FOXN3: variants seen among roughly 807,000 people sequenced by gnomAD.
The protein encoded by FOXN3 is forkhead box N3, also known as forkhead box protein N3.
FOXN3 carries 7 observed loss-of-function variants against 38.4 expected under a neutral mutation model. The ratio of observed to expected loss-of-function variants is 0.18; its 90% CI spans 0.10 to 0.34. FOXN3 has a LOEUF of 0.34. Ranked by LOEUF, FOXN3 falls within the 10% of genes least tolerant of loss-of-function variation. The pLI, the probability that FOXN3 is intolerant of heterozygous loss-of-function variation, is 1.00. For synonymous variants in FOXN3, 230 were observed against 242.2 expected, an observed-to-expected ratio of 0.95 and a Z score of 0.47; for missense variants, 456 against 613.4, an observed-to-expected ratio of 0.74 and a Z score of 2.71.
At chr14:89,305,105 G>C (rs1002463672) in intron 3 of FOXN3, among the ~76,000 whole-genome samples, 2 of 152,142 alleles carry the variant, frequency 1.3e-5, no homozygotes, top group East Asian at 1.9e-4. Context: ...GGCTGATCTG[G>C]AGGGGACGAG....
intron 2 of FOXN3, among the ~76,000 whole-genome samples, chr14:89,379,074 G>A (rs1220118424): frequency 1.3e-5 from 2 of 152,190 alleles, no homozygotes. Flanking sequence ...TGGAATATGA[G>A]TTCTAGAAAG....
intron 4 of FOXN3, among the ~76,000 whole-genome samples, chr14:89,253,099 C>G (rs770282836): frequency 6.6e-6 from 1 of 152,308 alleles, no homozygotes; most frequent in Non-Finnish European, 1.5e-5. Context: ...GGTCAGCCTG[C>G]AGCCACCACA....
chr14:89,489,998 CG>C (rs1881393878), intron 1 of FOXN3, among the ~76,000 whole-genome samples: 1 of 152,220 alleles, frequency 6.6e-6, no homozygotes, highest in South Asian at 2.1e-4. Flanking sequence ...AGGAGTAAAA[CG>C]TAATGCCAAA....
At chr14:89,575,314 C>T (rs1895586260) in intron 1 of FOXN3, among the ~76,000 whole-genome samples, 1 of 152,146 alleles carries the variant, frequency 6.6e-6, no homozygotes, top group African/African-American at 2.4e-5. Context: ...TGACCAAGCA[C>T]TTGACCCTTG....
chr14:89,309,994 C>T lies in FOXN3; in HGVS notation c.681-28980G>A, dbSNP rs966113267. ...TTCTCTGTGTGAAAATAGAACGTCGCTAAGTGCCATCCTACCCATGCGGGG... is the reference window on the plus strand; with the variant it reads ...TTCTCTGTGTGAAAATAGAACGTCGTTAAGTGCCATCCTACCCATGCGGGG... On this transcript the variant is annotated intron_variant, in intron 3 of 5. Coordinates refer to ENST00000557258, the MANE Select transcript of FOXN3 (RefSeq NM_005197.4). 7.9e-5 allele frequency among the ~76,000 whole-genome samples: 12 copies of T among 152,304 alleles called. No individual in the cohort carries two copies. In the South Asian group the frequency reaches 1.5e-3, roughly 18 times the overall value.
intron 4 of FOXN3, among the ~76,000 whole-genome samples, chr14:89,273,080 C>A (rs1036438948): frequency 2.0e-5 from 3 of 152,186 alleles, no homozygotes; most frequent in African/African-American, 7.2e-5. Context: ...CTGTTGTTTG[C>A]TACTACATCT....
intron 4 of FOXN3, among the ~76,000 whole-genome samples, chr14:89,186,758 C>A (rs560323944): frequency 6.6e-6 from 1 of 152,328 alleles, no homozygotes; most frequent in South Asian, 2.1e-4. Context: ...GCCAGGAGGA[C>A]AAAATGTTGT....
At chr14:89,243,885 A>C (rs1206340656) in intron 4 of FOXN3, among the ~76,000 whole-genome samples, 1 of 152,202 alleles carries the variant, frequency 6.6e-6, no homozygotes, top group Admixed American at 6.5e-5. Flanking sequence ...ATGAAACCAC[A>C]TAAGCCCTCC....
At chr14:89,309,056 CTTTG>C (rs761928846) in intron 3 of FOXN3, among the ~76,000 whole-genome samples, 4 of 152,136 alleles carry the variant, frequency 2.6e-5, no homozygotes, top group African/African-American at 7.2e-5. Flanking sequence ...AAAACTGTCT[CTTTG>C]TTTGTTTTTT....
At chr14:89,612,538 G>C (rs1185325869) in intron 1 of FOXN3, among the ~76,000 whole-genome samples, 2 of 152,224 alleles carry the variant, frequency 1.3e-5, no homozygotes, top group Non-Finnish European at 2.9e-5. Flanking sequence ...GCTCACACCT[G>C]TAATCCCAGC....
intron 1 of FOXN3, among the ~76,000 whole-genome samples, chr14:89,445,484 G>A (rs1036912164): frequency 6.6e-5 from 10 of 152,104 alleles, no homozygotes; most frequent in Non-Finnish European, 1.3e-4. Flanking sequence ...ATTATCATAT[G>A]GCTAATACAG....
At chr14:89,398,927 T>C (rs1891172090) in intron 2 of FOXN3, among the ~76,000 whole-genome samples, 1 of 152,226 alleles carries the variant, frequency 6.6e-6, no homozygotes, top group African/African-American at 2.4e-5. Flanking sequence ...GAGGTTGTGG[T>C]GAGCCAAGAT....
intron 4 of FOXN3, among the ~76,000 whole-genome samples, chr14:89,240,686 G>C (rs74797849): frequency 1.3e-5 from 2 of 152,254 alleles, no homozygotes; most frequent in African/African-American, 4.8e-5. Flanking sequence ...ACTGGTCATC[G>C]TGGTTACCTC....
intron 3 of FOXN3, among the ~76,000 whole-genome samples, chr14:89,326,145 G>A (rs1888077072): frequency 6.6e-6 from 1 of 152,166 alleles, no homozygotes; most frequent in Non-Finnish European, 1.5e-5. Flanking sequence ...GTGGGCTCTG[G>A]AGCTAAGTAA....
At chr14:89,393,632 A>T (rs1891019509) in intron 2 of FOXN3, among the ~76,000 whole-genome samples, 1 of 152,260 alleles carries the variant, frequency 6.6e-6, no homozygotes, top group Non-Finnish European at 1.5e-5. Flanking sequence ...CAAATGGCAC[A>T]AACTGTGCAC....
chr14:89,574,823 C>A (rs1895568370), intron 1 of FOXN3, among the ~76,000 whole-genome samples: 1 of 152,106 alleles, frequency 6.6e-6, no homozygotes, highest in South Asian at 2.1e-4. Context: ...CTCCGAGGCT[C>A]CTCCAATTCT....
chr14:89,452,921 G>A lies in FOXN3; in HGVS notation c.-14-40431C>T, dbSNP rs146149971. 3.5e-4 allele frequency among the ~76,000 whole-genome samples: 54 copies of A among 152,226 alleles called. No individual in the cohort carries two copies. In the East Asian group the frequency reaches 9.7e-3, roughly 27 times the overall value. On this transcript the variant is annotated intron_variant, in intron 1 of 6. Transcript: ENST00000345097. ...CACTTAAAAAATGAACTTAAAGGCC[G>A]GGCACGGCAGCTCACGCCAGTAATC...
At chr14:89,492,691 G>A (rs72703677) in intron 1 of FOXN3, among the ~76,000 whole-genome samples, 3 of 152,268 alleles carry the variant, frequency 2.0e-5, no homozygotes, top group Non-Finnish European at 4.4e-5. Context: ...TGGCCTGGGC[G>A]ACAAAGTGAG....
In FOXN3 at chr14:89,467,804, G is replaced by GTTTTTTTTTTTTTTT. The variant is rs68132432; in HGVS notation, c.-14-55329_-14-55315dup. ...CTTCTTCCTTTTCTTTTCTTTCTTT[G>GTTTTTTTTTTTTTTT]TTTTTTTTTTTTTTTTTTTTTTTTG... On this transcript the variant is annotated intron_variant, in intron 1 of 6. Coordinates refer to the FOXN3 transcript ENST00000345097. Among the ~76,000 whole-genome samples, 12 of 56,588 alleles carry GTTTTTTTTTTTTTTT rather than the reference G, an allele frequency of 2.1e-4. 1 individual carries two copies. The highest frequency in any genetic ancestry group is 0.031 in the Middle Eastern group (1 of 32). The allele number at this position is 56,588 out of a possible 152,430, so 37.1% of individuals were successfully genotyped here.
Sources: gnomAD v4.1 joint callset for allele counts (sites outside exome capture counted in the v4.1 genomes callset) on GRCh38, gnomAD v4.1.1 for gene constraint, MANE v1.5 for transcripts, NCBI Gene and HGNC (gene_info 2026-07-23, HGNC 2026-07-21) for gene names.